The following TBC1D31 variants were observed in gnomAD, a reference collection of about 807,000 sequenced individuals.
The protein encoded by TBC1D31 is WD repeat domain 67.
Under a neutral mutation model 132.9 loss-of-function variants are expected in TBC1D31, and 99 were observed. The observed-to-expected ratio is 0.74, with a 90% CI of 0.63 to 0.88. The LOEUF is 0.88. TBC1D31 is among the 40% of genes least tolerant of loss of function. The probability of loss-of-function intolerance (pLI) is 0.00; values close to 1 mark genes in which losing one functional copy is unlikely to be tolerated. For synonymous variants in TBC1D31, 385 were observed against 419.4 expected, an observed-to-expected ratio of 0.92 and a Z score of 1.00; for missense variants, 1,134 against 1,256.6, an observed-to-expected ratio of 0.90 and a Z score of 1.48.
intron 2 of TBC1D31, among the ~76,000 whole-genome samples, chr8:123,080,260 A>G (rs1814991578): frequency 6.6e-6 from 1 of 152,196 alleles, no homozygotes; most frequent in Non-Finnish European, 1.5e-5. Flanking sequence ...AGAACAATAC[A>G]TTTTTAGAGA....
At chr8:123,134,291 G>C (rs1005291951) in intron 17 of TBC1D31, 85 bp downstream of exon 17, 1 of 1,017,532 alleles carries the variant, frequency 9.8e-7, no homozygotes, top group Non-Finnish European at 1.5e-6. Context: ...CACTTTGGGA[G>C]GATGAGGTGG....
Position 123,117,390 on chromosome 8 carries a change from C to A in TBC1D31, c.1437-2665C>A, listed in dbSNP as rs189196404. On this transcript the variant is annotated intron_variant, in intron 10 of 21. Coordinates refer to ENST00000287380, the MANE Select transcript of TBC1D31 (RefSeq NM_145647.4). ...TCTCCCCCAAGACAGTTATTAATGG[C>A]AAATGGAAAAATAGTAATTTTGTAG... is the stretch of plus-strand genomic sequence containing the variant. Among the ~76,000 whole-genome samples the A allele has an allele frequency of 1.6e-4, 25 of 151,924 alleles. No individual in the cohort carries two copies. In the East Asian group the frequency reaches 4.4e-3, roughly 27 times the overall value.
chr8:123,158,481 G>A, the TBC1D31 span, among the ~76,000 whole-genome samples: 1 of 152,248 alleles, frequency 6.6e-6, no homozygotes, highest in East Asian at 1.9e-4. Context: ...CCCAGGGAAA[G>A]GACGAGTGAT....
intron 8 of TBC1D31, 99 bp downstream of exon 8, chr8:123,105,563 G>T: frequency 1.9e-6 from 2 of 1,041,476 alleles, no homozygotes; most frequent in Non-Finnish European, 2.7e-6. Context: ...GGGAATTAAA[G>T]AAAGAGAATA....
At chr8:123,112,869 A>G (rs915582305) in intron 10 of TBC1D31, among the ~76,000 whole-genome samples, 1 of 152,160 alleles carries the variant, frequency 6.6e-6, no homozygotes, top group Non-Finnish European at 1.5e-5. Flanking sequence ...CACACTTACT[A>G]TGCTTCCTGT....
chr8:123,072,962 G>A, intron 1 of TBC1D31, 116 bp downstream of exon 1: 1 of 1,041,224 alleles, frequency 9.6e-7, no homozygotes, highest in South Asian at 1.5e-5. Context: ...CCGCATCCCT[G>A]GGTTGGATGA....
At chr8:123,138,343 A>G (rs190239874) in intron 17 of TBC1D31, among the ~76,000 whole-genome samples, 2 of 152,184 alleles carry the variant, frequency 1.3e-5, no homozygotes, top group African/African-American at 4.8e-5. Flanking sequence ...CTTCACATAT[A>G]TATCTTTTTG....
In TBC1D31 at chr8:123,085,893, C is replaced by T. The variant is rs191598806; in HGVS notation, c.519+1553C>T. Reference sequence around the variant, plus strand: ...CCTCCAGTTGTACTCTTGTTCTGAGCCCCACAGATGCCCCAGTTTGGTTCT... The same window carrying T: ...CCTCCAGTTGTACTCTTGTTCTGAGTCCCACAGATGCCCCAGTTTGGTTCT... On this transcript the variant is annotated intron_variant, in intron 4 of 21. Transcript: ENST00000287380. Among the ~76,000 whole-genome samples, 8 of 152,272 alleles carry T rather than the reference C, an allele frequency of 5.3e-5. No homozygotes were observed. The East Asian group carries it at 1.5e-3, about 29-fold the overall frequency.
At chr8:123,132,838 A>T (rs895301691) in intron 16 of TBC1D31, among the ~76,000 whole-genome samples, 2 of 152,130 alleles carry the variant, frequency 1.3e-5, no homozygotes, top group African/African-American at 4.8e-5. Flanking sequence ...TAATTTTCTC[A>T]TCTAGTGAAT....
chr8:123,088,768 T>G (rs981305380), intron 4 of TBC1D31, among the ~76,000 whole-genome samples: 1 of 152,236 alleles, frequency 6.6e-6, no homozygotes, highest in African/African-American at 2.4e-5. Flanking sequence ...TCATTTTTGA[T>G]GGCTCTTTTA....
chr8:123,096,029 A>C (rs1447714322), intron 5 of TBC1D31, among the ~76,000 whole-genome samples: 2 of 152,162 alleles, frequency 1.3e-5, no homozygotes, highest in Admixed American at 1.3e-4. Context: ...ACCCTAATCC[A>C]AGCTACCCTA....
rs1044969881 is a variant in TBC1D31 at position 123,072,753 on chromosome 8, C to T, written c.-17C>T. On this transcript the variant is annotated 5_prime_UTR_variant, in exon 1 of 22. Coordinates refer to ENST00000287380, the MANE Select transcript of TBC1D31 (RefSeq NM_145647.4). Reference sequence around the variant, plus strand: ...GGTTACCCAGCGGGCCGCCGGCGGTCGTGGGCAAGCTTCGCCATGCAGAGC... The same window carrying T: ...GGTTACCCAGCGGGCCGCCGGCGGTTGTGGGCAAGCTTCGCCATGCAGAGC... 3.2e-6 allele frequency: 5 copies of T among 1,554,312 alleles called. No homozygotes were observed. In the African/African-American group the frequency reaches 5.5e-5, roughly 17 times the overall value.
At chr8:123,076,939 T>A (rs1814586969) in intron 1 of TBC1D31, among the ~76,000 whole-genome samples, 172 bp from the exon 2 acceptor site, 1 of 152,220 alleles carries the variant, frequency 6.6e-6, no homozygotes, top group Non-Finnish European at 1.5e-5. Context: ...ATGAGTAGCT[T>A]CTGACCTGTT....
intron 10 of TBC1D31, among the ~76,000 whole-genome samples, chr8:123,115,217 T>C (rs1318697356): frequency 6.6e-6 from 1 of 152,238 alleles, no homozygotes; most frequent in Admixed American, 6.5e-5. Flanking sequence ...TATCAGTCTT[T>C]ATTTGTTGTC....
chr8:123,102,615 A>G (rs1007157398), intron 7 of TBC1D31: 2 of 181,480 alleles, frequency 1.1e-5, no homozygotes, highest in Non-Finnish European at 1.1e-5. Flanking sequence ...CCTGCTCACT[A>G]AAATTTATTT....
intron 16 of TBC1D31, 46 bp downstream of exon 16, chr8:123,130,379 C>T: frequency 6.4e-7 from 1 of 1,555,148 alleles, no homozygotes; most frequent in South Asian, 1.2e-5. Context: ...TCCATTTACT[C>T]TCACTTAAAT....
At chr8:123,113,994 C>T (rs934631255) in intron 10 of TBC1D31, among the ~76,000 whole-genome samples, 1 of 151,910 alleles carries the variant, frequency 6.6e-6, no homozygotes, top group African/African-American at 2.4e-5. Context: ...GATTATGAAA[C>T]AATACTACAA....
intron 5 of TBC1D31, among the ~76,000 whole-genome samples, chr8:123,096,973 C>A (rs901371337): frequency 6.6e-6 from 1 of 152,032 alleles, no homozygotes; most frequent in Non-Finnish European, 1.5e-5. Flanking sequence ...ATGTGAAAAA[C>A]CCACAATCAG....
rs1820624629 is a variant in TBC1D31, at chr8:123,131,496, G to T, written c.2406+1163G>T. On this transcript the variant is annotated intron_variant, in intron 16 of 21. Coordinates refer to ENST00000287380, the MANE Select transcript of TBC1D31 (RefSeq NM_145647.4). Reference sequence around the variant, plus strand: ...ATTATTCTCATTATACATTGTTTTTGTAACCTGCTTTTTAAAATTTCATAT... The same window carrying T: ...ATTATTCTCATTATACATTGTTTTTTTAACCTGCTTTTTAAAATTTCATAT... 2.0e-5 allele frequency among the ~76,000 whole-genome samples: 3 copies of T among 147,716 alleles called. No homozygotes were observed. The Admixed American group carries it at 2.0e-4, about 10-fold the overall frequency.
Sources: allele counts gnomAD v4.1 joint callset (sites outside exome capture counted in the v4.1 genomes callset), GRCh38; gene constraint gnomAD v4.1.1; transcripts MANE v1.5; gene names NCBI Gene and HGNC (gene_info 2026-07-23, HGNC 2026-07-21).